Variants in ESRRG observed in about 807,000 individuals in gnomAD.
The protein encoded by ESRRG is estrogen related receptor gamma.
ESRRG carries 13 observed loss-of-function variants against 44.0 expected under a neutral mutation model. That is an observed-to-expected ratio of 0.30 (90% CI 0.19 to 0.47). The LOEUF is 0.47. Ranked by LOEUF, ESRRG falls within the 20% of genes least tolerant of loss-of-function variation. The probability of loss-of-function intolerance (pLI) is 1.00; values close to 1 mark genes in which losing one functional copy is unlikely to be tolerated. For missense variants in ESRRG, 395 were observed against 580.6 expected (o/e 0.68, Z 3.29); for synonymous variants, 215 against 214.6 (o/e 1.00, Z -0.02).
At chr1:216,785,574 C>G (rs1178510161) in intron 2 of ESRRG, among the ~76,000 whole-genome samples, 1 of 151,920 alleles carries the variant, frequency 6.6e-6, no homozygotes, top group African/African-American at 2.4e-5. Flanking sequence ...AAGACAGAAA[C>G]TGAAGAAAGC....
intron 3 of ESRRG, among the ~76,000 whole-genome samples, chr1:216,621,875 C>G (rs1436744680): frequency 6.6e-6 from 1 of 152,136 alleles, no homozygotes; most frequent in Non-Finnish European, 1.5e-5. Context: ...TTTCTAGGCC[C>G]ACTGCCACCA....
At chr1:217,108,068 G>T (rs2092619704) in intron 1 of ESRRG, among the ~76,000 whole-genome samples, 1 of 151,246 alleles carries the variant, frequency 6.6e-6, no homozygotes. Context: ...ACTCTAAACT[G>T]GTATTAAAGT....
chr1:217,088,884 A>G (rs937271558), intron 1 of ESRRG, among the ~76,000 whole-genome samples: 13 of 151,922 alleles, frequency 8.6e-5, no homozygotes, highest in African/African-American at 3.1e-4. Flanking sequence ...GGGTAGAAGG[A>G]GGTAGATGGT....
chr1:216,521,419 C>T (rs1221805629), intron 5 of ESRRG, among the ~76,000 whole-genome samples: 1 of 151,310 alleles, frequency 6.6e-6, no homozygotes. Flanking sequence ...AGAAAACATA[C>T]TAAGTAAGAA....
At position 216,753,022 on chromosome 1, in the gene ESRRG, C is replaced by T. The variant is rs189193522; in HGVS notation, c.-13-75531G>A. ...AAAAGAAAGGTAGATGCAGAACCAC[C>T]AGTAAGTTTATACCAGGATGATGAG... On this transcript the variant is annotated intron_variant, in intron 2 of 7. Transcript: ENST00000359162. Among the ~76,000 whole-genome samples, 3 of 152,030 alleles carry T rather than the reference C, an allele frequency of 2.0e-5. No individual in the cohort carries two copies. In the East Asian group the frequency reaches 5.8e-4, roughly 29 times the overall value.
At chr1:216,853,968 T>C (rs999584160) in intron 2 of ESRRG, among the ~76,000 whole-genome samples, 3 of 152,196 alleles carry the variant, frequency 2.0e-5, no homozygotes, top group Non-Finnish European at 2.9e-5. Context: ...GTGCTAATCC[T>C]GACATAGAGC....
intron 2 of ESRRG, among the ~76,000 whole-genome samples, chr1:216,835,708 A>G (rs11585302): frequency 0.2 from 31,172 of 152,172 alleles, 3,283 homozygotes; most frequent in Admixed American, 0.27. Flanking sequence ...ATGGAAAAGA[A>G]CTGCCAATGA....
intron 1 of ESRRG, among the ~76,000 whole-genome samples, chr1:216,983,645 A>G (rs1475904808): frequency 6.6e-6 from 1 of 151,562 alleles, no homozygotes; most frequent in Non-Finnish European, 1.5e-5. Flanking sequence ...CTAGAATTTT[A>G]AATTTTACCA....
intron 3 of ESRRG, among the ~76,000 whole-genome samples, chr1:216,610,870 A>T (rs990254971): frequency 2.4e-4 from 36 of 152,162 alleles, no homozygotes; most frequent in African/African-American, 7.7e-4. Flanking sequence ...GCCCAGGTTT[A>T]CTTACCTTAA....
At chr1:216,830,994 G>A (rs544141819) in intron 2 of ESRRG, among the ~76,000 whole-genome samples, 2 of 152,178 alleles carry the variant, frequency 1.3e-5, no homozygotes, top group Non-Finnish European at 2.9e-5. Context: ...AAAGAGCAGG[G>A]GGAGGAGAGG....
intron 2 of ESRRG, among the ~76,000 whole-genome samples, chr1:216,931,848 A>C (rs2063390920): frequency 6.6e-6 from 1 of 151,974 alleles, no homozygotes; most frequent in Non-Finnish European, 1.5e-5. Flanking sequence ...AAAAAAAAAA[A>C]AACACAAAAT....
intron 1 of ESRRG, among the ~76,000 whole-genome samples, chr1:217,105,574 C>T (rs574862106): frequency 2.6e-5 from 4 of 152,256 alleles, no homozygotes; most frequent in African/African-American, 9.6e-5. Context: ...GTCTTTGTGG[C>T]CTCCCCTGGA....
At chr1:216,530,201 A>G (rs1235120281) in intron 5 of ESRRG, among the ~76,000 whole-genome samples, 1 of 151,648 alleles carries the variant, frequency 6.6e-6, no homozygotes, top group Non-Finnish European at 1.5e-5. Flanking sequence ...CCAACATTAG[A>G]GTCTAATATT....
intron 1 of ESRRG, among the ~76,000 whole-genome samples, chr1:217,113,182 C>T (rs2092679317): frequency 6.6e-6 from 1 of 152,108 alleles, no homozygotes; most frequent in African/African-American, 2.4e-5. Flanking sequence ...CAGACATGGG[C>T]TTTTTTCTGT....
intron 2 of ESRRG, among the ~76,000 whole-genome samples, chr1:216,749,032 C>T (rs146954521): frequency 6.6e-6 from 1 of 152,236 alleles, no homozygotes; most frequent in African/African-American, 2.4e-5. Context: ...GTCATGGCTC[C>T]ATGCTCTTTA....
At chr1:216,803,653 G>A (rs559378712) in intron 2 of ESRRG, among the ~76,000 whole-genome samples, 5 of 152,032 alleles carry the variant, frequency 3.3e-5, no homozygotes, top group East Asian at 3.9e-4. Flanking sequence ...GCTCTCTGTC[G>A]AGCCTCTGCC....
At chr1:217,125,177 A>T (rs1461312959) in intron 1 of ESRRG, among the ~76,000 whole-genome samples, 5 of 152,070 alleles carry the variant, frequency 3.3e-5, no homozygotes, top group Non-Finnish European at 7.4e-5. Context: ...GTGGGACTCC[A>T]TTTTTATAAT....
At chr1:216,987,899 C>G (rs768471913) in intron 1 of ESRRG, among the ~76,000 whole-genome samples, 3 of 152,158 alleles carry the variant, frequency 2.0e-5, no homozygotes, top group Non-Finnish European at 4.4e-5. Context: ...AATATTCCAT[C>G]TTTTTCACCC....
intron 1 of ESRRG, among the ~76,000 whole-genome samples, chr1:217,035,408 G>C (rs17636663): frequency 0.15 from 23,039 of 150,828 alleles, 2,299 homozygotes; most frequent in Non-Finnish European, 0.2. Context: ...GCTAGTCCTA[G>C]TGGGTACATA....
Sources: allele counts gnomAD v4.1 joint callset (sites outside exome capture counted in the v4.1 genomes callset), GRCh38; gene constraint gnomAD v4.1.1; transcripts MANE v1.5; gene names NCBI Gene and HGNC (gene_info 2026-07-23, HGNC 2026-07-21).